The following ROBO1 variants were observed in gnomAD, a reference collection of about 807,000 sequenced individuals.
The protein encoded by ROBO1 is roundabout guidance receptor 1.
Under a neutral mutation model 195.9 loss-of-function variants are expected in ROBO1, and 149 were observed. The ratio of observed to expected loss-of-function variants is 0.76; its 90% CI spans 0.67 to 0.87. The LOEUF is 0.87. Among genes scored for constraint, ROBO1 ranks in the 40% least tolerant of loss-of-function variants. ROBO1 has a pLI of 0.00. For synonymous variants in ROBO1, 816 were observed against 733.2 expected (o/e 1.11, Z -1.82); for missense variants, 1,933 against 2,068.3 (o/e 0.93, Z 1.27).
chr3:79,319,750 T>A (rs1408231842), intron 2 of ROBO1, among the ~76,000 whole-genome samples: 1 of 152,146 alleles, frequency 6.6e-6, no homozygotes, highest in Non-Finnish European at 1.5e-5. Flanking sequence ...GTTATTGTAA[T>A]TACAGTGGAC....
At chr3:79,690,097 C>A (rs914106134) in intron 1 of ROBO1, among the ~76,000 whole-genome samples, 1 of 151,846 alleles carries the variant, frequency 6.6e-6, no homozygotes, top group African/African-American at 2.4e-5. Context: ...CTATCATTTC[C>A]AAATATCTTT....
intron 4 of ROBO1, among the ~76,000 whole-genome samples, chr3:78,917,353 T>C (rs2038672311): frequency 6.6e-6 from 1 of 152,050 alleles, no homozygotes; most frequent in African/African-American, 2.4e-5. Context: ...TCAGAGTTTG[T>C]TTTTAAATGA....
chr3:79,242,078 G>T (rs946603167), intron 2 of ROBO1, among the ~76,000 whole-genome samples: 1 of 151,918 alleles, frequency 6.6e-6, no homozygotes. Context: ...TTAAAAGAAG[G>T]ATCCCTGACC....
chr3:79,068,530 T>A (rs892334438), intron 3 of ROBO1, among the ~76,000 whole-genome samples: 2 of 151,846 alleles, frequency 1.3e-5, no homozygotes, highest in Non-Finnish European at 2.9e-5. Context: ...ACATAGAATT[T>A]CCTGAAAAAA....
intron 2 of ROBO1, among the ~76,000 whole-genome samples, chr3:79,554,480 C>A (rs1402579646): frequency 6.6e-6 from 1 of 151,826 alleles, no homozygotes; most frequent in Non-Finnish European, 1.5e-5. Context: ...AACTGATACA[C>A]AAGGAAATGG....
intron 2 of ROBO1, among the ~76,000 whole-genome samples, chr3:79,303,777 T>C (rs1340666364): frequency 6.6e-6 from 1 of 152,268 alleles, no homozygotes; most frequent in Non-Finnish European, 1.5e-5. Flanking sequence ...TCTCCTCAAA[T>C]ACCTGCCAAC....
chr3:79,511,225 C>T (rs1250202738), intron 2 of ROBO1, among the ~76,000 whole-genome samples: 1 of 152,084 alleles, frequency 6.6e-6, no homozygotes, highest in East Asian at 1.9e-4. Flanking sequence ...GAAATTTGGC[C>T]TAGTGTGCTG....
At chr3:78,777,990 T>C (rs1427848974) in intron 4 of ROBO1, among the ~76,000 whole-genome samples, 1 of 152,216 alleles carries the variant, frequency 6.6e-6, no homozygotes, top group Non-Finnish European at 1.5e-5. Flanking sequence ...ATAGCTCTTA[T>C]TATTTTGAGA....
chr3:79,160,362 C>A (rs1187062484), intron 2 of ROBO1, among the ~76,000 whole-genome samples: 1 of 151,322 alleles, frequency 6.6e-6, no homozygotes, highest in Non-Finnish European at 1.5e-5. Flanking sequence ...TTTAAAAATC[C>A]TTTAAAATAA....
intron 19 of ROBO1, 46 bp downstream of exon 19, chr3:78,651,686 G>T: frequency 7.3e-7 from 1 of 1,369,992 alleles, no homozygotes; most frequent in Non-Finnish European, 9.7e-7. Context: ...TTAAAATCAA[G>T]AGTTTTATAA....
At chr3:79,189,697 C>T (rs2081503905) in intron 2 of ROBO1, among the ~76,000 whole-genome samples, 1 of 151,684 alleles carries the variant, frequency 6.6e-6, no homozygotes, top group Non-Finnish European at 1.5e-5. Context: ...AGCAGTTCAC[C>T]ATATTGCTTC....
chr3:78,971,434 T>G (rs965256698), intron 3 of ROBO1, among the ~76,000 whole-genome samples: 5 of 152,064 alleles, frequency 3.3e-5, no homozygotes, highest in Admixed American at 2.6e-4. Context: ...GGATTCTGAT[T>G]TGGTAGGTCT....
intron 8 of ROBO1, among the ~76,000 whole-genome samples, chr3:78,688,992 C>G (rs2081112293): frequency 1.3e-5 from 2 of 152,076 alleles, no homozygotes; most frequent in Admixed American, 1.3e-4. Flanking sequence ...ATTACCTGAC[C>G]TTCTAAGATT....
rs762213544 is a variant in ROBO1, at chr3:78,676,188, T to G, written c.1343-5887A>C. Among the ~76,000 whole-genome samples the G allele has an allele frequency of 1.6e-4, 25 of 152,028 alleles. 2 individuals carry two copies. The Middle Eastern group carries it at 0.01, about 62-fold the overall frequency. On this transcript the variant is annotated intron_variant, in intron 10 of 30. Transcript: ENST00000464233. ...AAAACCCATCTATACATCACCATCATCAAAGACCAAAAGTAGATAAAACCA... is the reference window on the plus strand; with the variant it reads ...AAAACCCATCTATACATCACCATCAGCAAAGACCAAAAGTAGATAAAACCA...
chr3:79,257,780 TG>T (rs2082865092), intron 2 of ROBO1, among the ~76,000 whole-genome samples: 1 of 152,148 alleles, frequency 6.6e-6, no homozygotes, highest in African/African-American at 2.4e-5. Flanking sequence ...ATGCTCTTTT[TG>T]CTACACCATA....
At chr3:78,637,977 T>C (rs1396230190) in intron 22 of ROBO1, among the ~76,000 whole-genome samples, 1 of 128,682 alleles carries the variant, frequency 7.8e-6, no homozygotes, top group East Asian at 2.1e-4. Context: ...AATATTGGGT[T>C]TTTTTTTGGG....
intron 3 of ROBO1, among the ~76,000 whole-genome samples, chr3:79,036,497 T>A (rs758403722): frequency 3.9e-5 from 6 of 152,172 alleles, no homozygotes; most frequent in African/African-American, 7.2e-5. Flanking sequence ...TCCAAAGAAA[T>A]ACTTGCTTTT....
chr3:79,036,999 C>G (rs1385908369), intron 3 of ROBO1, among the ~76,000 whole-genome samples: 4 of 152,018 alleles, frequency 2.6e-5, no homozygotes, highest in African/African-American at 9.7e-5. Flanking sequence ...CAGGATGGCT[C>G]TAAAGAGTAT....
chr3:79,626,814 C>T (rs966027090), intron 1 of ROBO1, among the ~76,000 whole-genome samples: 1 of 152,130 alleles, frequency 6.6e-6, no homozygotes, highest in Non-Finnish European at 1.5e-5. Flanking sequence ...TCTCAGGATA[C>T]AAAACAAATG....
Sources: gnomAD v4.1 joint callset for allele counts (sites outside exome capture counted in the v4.1 genomes callset) on GRCh38, gnomAD v4.1.1 for gene constraint, MANE v1.5 for transcripts, NCBI Gene and HGNC (gene_info 2026-07-23, HGNC 2026-07-21) for gene names.